Variants in ADGRL2 observed in about 807,000 individuals in gnomAD.
ADGRL2 encodes the protein calcium-independent alpha-latrotoxin receptor 2.
Under a neutral mutation model 157.4 loss-of-function variants are expected in ADGRL2, and 44 were observed. The observed-to-expected ratio is 0.28, with a 90% confidence interval of 0.22 to 0.36. ADGRL2 has a LOEUF of 0.36. Ranked by LOEUF, ADGRL2 falls within the 10% of genes least tolerant of loss-of-function variation. The pLI, the probability that ADGRL2 is intolerant of heterozygous loss-of-function variation, is 1.00. For synonymous variants in ADGRL2, 585 were observed against 624.7 expected (o/e 0.94, Z 0.95); for missense variants, 1,510 against 1,768.9 (o/e 0.85, Z 2.63).
intron 2 of ADGRL2, chr1:81,761,959 TG>T (rs1171551762): frequency 1.3e-5 from 2 of 152,104 alleles, no homozygotes; most frequent in Non-Finnish European, 2.9e-5. Context: ...TTGAGTCATC[TG>T]ATAATTATAA....
At chr1:81,833,819 T>TA (rs2092112666) in intron 1 of ADGRL2, among the ~76,000 whole-genome samples, 1 of 152,160 alleles carries the variant, frequency 6.6e-6, no homozygotes, top group African/African-American at 2.4e-5. Context: ...AGCTGAAGCA[T>TA]ATTCCTGGAA....
chr1:81,566,493 A>T lies in ADGRL2; in HGVS notation c.-247-14383A>T, dbSNP rs546291932. Among the ~76,000 whole-genome samples, 4 of 152,310 alleles carry T rather than the reference A, an allele frequency of 2.6e-5. No individual in the cohort carries two copies. The South Asian group carries it at 8.3e-4, about 32-fold the overall frequency. On this transcript the variant is annotated intron_variant, in intron 2 of 24. Transcript: ENST00000370721. ...CTCTAGCCAACTCTGAAAATGCAGG[A>T]GTCTATTGAAAATTTTGCATTCATT...
Position 81,525,575 on chromosome 1 carries a change from C to G in ADGRL2, c.-247-55301C>G, listed in dbSNP as rs182929531. Among the ~76,000 whole-genome samples, 943 of 152,312 alleles carry G rather than the reference C, an allele frequency of 6.2e-3. 3 individuals are homozygous for G. Among genetic ancestry groups the G allele is most frequent in the Non-Finnish European group, 0.011 (730 of 68,028 alleles). On this transcript the variant is annotated intron_variant, in intron 2 of 24. Coordinates refer to the ADGRL2 transcript ENST00000370721. ...TCAAGTGATCTGCCCCTTTCAGCCT[C>G]TCAAAGAGCTGGGATTACAGGCATG...
Position 81,646,382 on chromosome 1 carries a change from T to A in ADGRL2, c.-143+65402T>A, listed in dbSNP as rs529790066. ...TCACACTATTGAGTAAAGGCCCTGG[T>A]CACGATCCACTAGGAATGACTTCAT... On this transcript the variant is annotated intron_variant, in intron 3 of 24. Coordinates refer to the ADGRL2 transcript ENST00000370721. 4.6e-5 allele frequency among the ~76,000 whole-genome samples: 7 copies of A among 152,296 alleles called. No homozygotes were observed. The South Asian group carries it at 1.0e-3, about 23-fold the overall frequency.
intron 1 of ADGRL2, among the ~76,000 whole-genome samples, chr1:81,720,319 G>A (rs2084263941): frequency 6.6e-6 from 1 of 151,768 alleles, no homozygotes. Context: ...TGGATTACAG[G>A]CCACTACGCC....
intron 2 of ADGRL2, among the ~76,000 whole-genome samples, chr1:81,766,682 C>T (rs4650579): frequency 0.66 from 99,559 of 151,266 alleles, 33,613 homozygotes; most frequent in East Asian, 0.97. Context: ...AATACAAAAT[C>T]AGCCGGGCAT....
intron 3 of ADGRL2, among the ~76,000 whole-genome samples, chr1:81,651,041 T>G (rs536208150): frequency 3.1e-4 from 47 of 152,282 alleles, no homozygotes; most frequent in South Asian, 2.1e-4. Context: ...CATGCCACAT[T>G]TTCATTAAAA....
At chr1:81,353,872 T>C (rs563661446) in intron 1 of ADGRL2, among the ~76,000 whole-genome samples, 2 of 152,278 alleles carry the variant, frequency 1.3e-5, no homozygotes, top group African/African-American at 4.8e-5. Context: ...AGTGAAATCA[T>C]GCGAAAGGGC....
intron 2 of ADGRL2, among the ~76,000 whole-genome samples, chr1:81,902,045 A>T (rs1427555872): frequency 2.0e-5 from 3 of 152,140 alleles, no homozygotes; most frequent in Non-Finnish European, 4.4e-5. Context: ...TACATGAGTG[A>T]TGTTCATTGG....
At chr1:81,967,496 T>C (rs368834951) in intron 13 of ADGRL2, among the ~76,000 whole-genome samples, 25 of 152,070 alleles carry the variant, frequency 1.6e-4, no homozygotes, top group East Asian at 9.7e-4. Flanking sequence ...CTTCTGACCT[T>C]GTGATCCGCC....
At chr1:81,390,739 A>C (rs1039242491) in intron 1 of ADGRL2, among the ~76,000 whole-genome samples, 1 of 152,300 alleles carries the variant, frequency 6.6e-6, no homozygotes, top group Non-Finnish European at 1.5e-5. Flanking sequence ...CTGTATCAGT[A>C]CATATTGATC....
intron 21 of ADGRL2, among the ~76,000 whole-genome samples, 153 bp from the exon 22 acceptor site, chr1:81,986,748 A>G (rs1212400210): frequency 6.6e-6 from 1 of 152,090 alleles, no homozygotes. Flanking sequence ...AGTAGTTCAA[A>G]TACAGTCAGA....
intron 1 of ADGRL2, among the ~76,000 whole-genome samples, chr1:81,752,261 A>T (rs917162578): frequency 6.6e-6 from 1 of 152,206 alleles, no homozygotes; most frequent in Non-Finnish European, 1.5e-5. Flanking sequence ...ATGTGCAGGC[A>T]ATTGATCTTG....
intron 2 of ADGRL2, among the ~76,000 whole-genome samples, chr1:81,896,659 TG>T (rs1430253915): frequency 5.3e-5 from 8 of 152,150 alleles, no homozygotes; most frequent in African/African-American, 1.9e-4. Context: ...TAACATCTTC[TG>T]GTACATAAGA....
At chr1:81,615,955 T>C (rs11806881) in intron 3 of ADGRL2, among the ~76,000 whole-genome samples, 58,826 of 151,892 alleles carry the variant, frequency 0.39, 11,856 homozygotes, top group African/African-American at 0.49. Context: ...TTGGGAGTTT[T>C]GAAGCAGACA....
chr1:81,709,852 A>G (rs1023749064), intron 1 of ADGRL2, among the ~76,000 whole-genome samples: 11 of 152,188 alleles, frequency 7.2e-5, no homozygotes, highest in African/African-American at 2.2e-4. Flanking sequence ...ATTCCAAACA[A>G]ATTCTTGTAA....
Position 81,307,143 on chromosome 1 carries a change from T to C in ADGRL2, c.-302+634T>C, listed in dbSNP as rs115414317. Among the ~76,000 whole-genome samples the C allele has an allele frequency of 3.6e-3, 540 of 151,728 alleles. 6 individuals are homozygous for C. The highest frequency in any genetic ancestry group is 0.012 in the African/African-American group (510 of 40,976). On this transcript the variant is annotated intron_variant, in intron 1 of 24. Coordinates refer to the ADGRL2 transcript ENST00000370721. The stretch of plus-strand genomic sequence containing the variant: ...ATGTGATTATTTATTGTTTTGAGAT[T>C]GAAATTGTATTACAGAAAAGTTTAA...
intron 1 of ADGRL2, among the ~76,000 whole-genome samples, chr1:81,418,797 A>C (rs2101521616): frequency 6.6e-6 from 1 of 152,260 alleles, no homozygotes; most frequent in East Asian, 1.9e-4. Flanking sequence ...AAACTTTCTA[A>C]CTTGCTGAGG....
At chr1:81,789,246 T>A (rs968719008) in intron 2 of ADGRL2, among the ~76,000 whole-genome samples, 3 of 152,148 alleles carry the variant, frequency 2.0e-5, no homozygotes, top group Admixed American at 1.3e-4. Context: ...TACAGTCACA[T>A]GGGGAAGAGA....
Sources: allele counts gnomAD v4.1 joint callset (sites outside exome capture counted in the v4.1 genomes callset), GRCh38; gene constraint gnomAD v4.1.1; transcripts MANE v1.5; gene names NCBI Gene and HGNC (gene_info 2026-07-23, HGNC 2026-07-21).